Variants in EHD3 observed in about 807,000 individuals in gnomAD.
EHD3 encodes the protein EH domain containing 3.
A neutral mutation model predicts 43.0 loss-of-function variants in EHD3; 17 were observed. The observed-to-expected ratio is 0.40, with a 90% CI of 0.27 to 0.59. The LOEUF is 0.59. Ranked by LOEUF, EHD3 falls within the 20% of genes least tolerant of loss-of-function variation. The pLI, the probability that EHD3 is intolerant of heterozygous loss-of-function variation, is 0.49. For synonymous variants in EHD3, 313 were observed against 289.5 expected (o/e 1.08, Z -0.82); for missense variants, 594 against 705.6 (o/e 0.84, Z 1.79).
chr2:31,254,773 G>T (rs1015731215), intron 3 of EHD3, among the ~76,000 whole-genome samples: 4 of 152,148 alleles, frequency 2.6e-5, no homozygotes, highest in African/African-American at 4.8e-5. Context: ...TGGGTTCCAG[G>T]CCTGAGTTTG....
Position 31,268,628 on chromosome 2 carries a change from C to T in EHD3, c.*1924C>T, listed in dbSNP as rs1218727516. On this transcript the variant is annotated 3_prime_UTR_variant, in exon 6 of 6. Coordinates refer to ENST00000322054, the MANE Select transcript of EHD3 (RefSeq NM_014600.3). ...CTCTGGAGTGAAGATGTTCCCTAAG[C>T]CCCTGGGCTTCCTTCTGCAAATACA... 1 of 152,230 alleles carries T rather than the reference C, an allele frequency of 6.6e-6. No individual in the cohort carries two copies. The highest frequency in any genetic ancestry group is 1.9e-4 in the East Asian group (1 of 5,190). The allele number at this position is 152,230 out of a possible 1,614,324, so 9.4% of individuals were successfully genotyped here.
Position 31,243,456 on chromosome 2 carries a change from C to CTTTTTTTTT in EHD3, c.228-815_228-814insTTTTTTTTT, listed in dbSNP as rs1418621028. Among the ~76,000 whole-genome samples, 29 of 93,318 alleles carry CTTTTTTTTT rather than the reference C, an allele frequency of 3.1e-4. 1 individual carries two copies. Among genetic ancestry groups the CTTTTTTTTT allele is most frequent in the African/African-American group, 1.4e-3 (28 of 19,706 alleles). The allele number at this position is 93,318 out of a possible 152,430, so 61.2% of individuals were successfully genotyped here. On this transcript the variant is annotated intron_variant, in intron 1 of 5. Transcript: ENST00000322054. ...TCTTTCTTTCTTTCTTTCTTTCTTT[C>CTTTTTTTTT]TTTCTTTTTTTTTTTTTGAGACAGA...
Position 31,266,969 on chromosome 2 carries a change from C to G in EHD3, c.*265C>G, listed in dbSNP as rs1683966421. ...AGCCTAAGTCTCTATCGCTCTTCCC[C>G]TCTCCTCGGCCACTCCCCAGATACC... On this transcript the variant is annotated 3_prime_UTR_variant, in exon 6 of 6. Transcript: ENST00000322054. This position sits in a 1 kb window ranked among gnomAD's most constrained non-coding sequence, Gnocchi z 5.1. 1 of 451,164 alleles carries G rather than the reference C, an allele frequency of 2.2e-6. No homozygotes were observed. Among genetic ancestry groups the G allele is most frequent in the East Asian group, 3.6e-5 (1 of 27,642 alleles). 27.9% of individuals were successfully genotyped at this position (451,164 alleles called of 1,614,324 possible).
At chr2:31,259,204 G>C (rs1572471381) in intron 3 of EHD3, among the ~76,000 whole-genome samples, 1 of 152,174 alleles carries the variant, frequency 6.6e-6, no homozygotes, top group African/African-American at 2.4e-5. Context: ...TGCCACGGGG[G>C]AGTGGCAGGA....
intron 1 of EHD3, among the ~76,000 whole-genome samples, chr2:31,235,352 T>C (rs896474711): frequency 6.6e-6 from 1 of 152,298 alleles, no homozygotes; most frequent in South Asian, 2.1e-4. Context: ...GGCCTGGGGA[T>C]GCTACTTGTC....
chr2:31,241,952 G>A (rs1683432379), intron 1 of EHD3, among the ~76,000 whole-genome samples: 1 of 152,216 alleles, frequency 6.6e-6, no homozygotes, highest in African/African-American at 2.4e-5. Context: ...TTATTGAACT[G>A]GGATCTGGAG....
At chr2:31,240,438 G>A (rs1683401993) in intron 1 of EHD3, among the ~76,000 whole-genome samples, 1 of 152,168 alleles carries the variant, frequency 6.6e-6, no homozygotes, top group Non-Finnish European at 1.5e-5. Context: ...TGTTACAGGG[G>A]CACCTGCTGC....
At chr2:31,255,476 T>C (rs536033473) in intron 3 of EHD3, among the ~76,000 whole-genome samples, 2 of 145,384 alleles carry the variant, frequency 1.4e-5, no homozygotes, top group East Asian at 4.3e-4. Flanking sequence ...GTTATCCCTA[T>C]TTTGCAGCTG....
chr2:31,264,655 G>A (rs574984457), intron 5 of EHD3, among the ~76,000 whole-genome samples: 3 of 146,726 alleles, frequency 2.0e-5, no homozygotes, highest in South Asian at 2.3e-4. Context: ...TCAGCCTCCC[G>A]AGTAGCTGGG....
At chr2:31,261,840 A>T in intron 5 of EHD3, 127 bp downstream of exon 5, 1 of 1,054,582 alleles carries the variant, frequency 9.5e-7, no homozygotes, top group Admixed American at 3.0e-5. Context: ...GCAGGCAAGG[A>T]GGTGGCCCTG....
In EHD3 at chr2:31,244,313, G is replaced by A. The variant is rs997989974; in HGVS notation, c.267G>A (p.Gly89=). 3.1e-6 allele frequency: 5 copies of A among 1,614,212 alleles called. No homozygotes were observed. Among genetic ancestry groups the A allele is most frequent in the Non-Finnish European group, 4.2e-6 (5 of 1,180,038 alleles). Residue 89 remains glycine (G), a synonymous_variant, in exon 2 of 6, where the codon GGG becomes GGA. Coordinates refer to ENST00000322054, the MANE Select transcript of EHD3 (RefSeq NM_014600.3). ...AGGACTTCCCAGGCATGAGGATTGGGCCTGAGCCCACCACAGACTCCTTCA... is the reference window on the plus strand; with the variant it reads ...AGGACTTCCCAGGCATGAGGATTGGACCTGAGCCCACCACAGACTCCTTCA... ...LEQDFPGMRI[G]PEPTTDSFIA... is the part of the protein sequence containing the mutation.
At chr2:31,243,434 T>G (rs1683457585) in intron 1 of EHD3, among the ~76,000 whole-genome samples, 4 of 99,668 alleles carry the variant, frequency 4.0e-5, no homozygotes, top group Admixed American at 1.2e-4. Flanking sequence ...CTTTCTTTCT[T>G]TCTTTCTTTC....
intron 4 of EHD3, 105 bp from the exon 5 acceptor site, chr2:31,261,444 G>A: frequency 7.6e-7 from 1 of 1,310,080 alleles, no homozygotes; most frequent in East Asian, 2.3e-5. Context: ...GGAGCAGGAG[G>A]AGGCGGGAGG....
intron 3 of EHD3, among the ~76,000 whole-genome samples, chr2:31,257,916 T>G (rs1286886610): frequency 6.6e-6 from 1 of 152,100 alleles, no homozygotes; most frequent in African/African-American, 2.4e-5. Flanking sequence ...TCAGGAACTA[T>G]CCTCAGGATG....
chr2:31,266,956 T>C lies in EHD3; in HGVS notation c.*252T>C, dbSNP rs1390808232. On this transcript the variant is annotated 3_prime_UTR_variant, in exon 6 of 6. Transcript: ENST00000322054. The surrounding 1 kb of genome is among the most constrained non-coding windows in gnomAD (Gnocchi z 5.1). ...GCCCCAGAGTCTAAGCCTAAGTCTCTATCGCTCTTCCCCTCTCCTCGGCCA... is the reference window on the plus strand; with the variant it reads ...GCCCCAGAGTCTAAGCCTAAGTCTCCATCGCTCTTCCCCTCTCCTCGGCCA... 10 of 494,276 alleles carry C rather than the reference T, an allele frequency of 2.0e-5. No individual in the cohort carries two copies. Among genetic ancestry groups the C allele is most frequent in the South Asian group, 7.0e-5 (2 of 28,626 alleles). 30.6% of individuals were successfully genotyped at this position (494,276 alleles called of 1,614,324 possible). A position where few individuals can be genotyped will look rare whatever the true frequency, so the allele number is the denominator to read the frequency against.
chr2:31,256,762 C>T (rs942024909), intron 3 of EHD3, among the ~76,000 whole-genome samples: 1 of 152,256 alleles, frequency 6.6e-6, no homozygotes, highest in Admixed American at 6.5e-5. Context: ...GACAGAGCCT[C>T]TTCCCTTCTC....
rs1171207519 is a variant in EHD3, at chr2:31,267,776, A to C, written c.*1072A>C. 1 of 152,266 alleles carries C rather than the reference A, an allele frequency of 6.6e-6. No individual in the cohort carries two copies. The highest frequency in any genetic ancestry group is 1.5e-5 in the Non-Finnish European group (1 of 68,054). 9.4% of individuals were successfully genotyped at this position (152,266 alleles called of 1,614,324 possible). A position where few individuals can be genotyped will look rare whatever the true frequency, so the allele number is the denominator to read the frequency against. ...ACCCAATGACAAACTATGGAGAACA[A>C]GCAAAGTATGCAGGCCCCCTGCAGC... On this transcript the variant is annotated 3_prime_UTR_variant, in exon 6 of 6. Transcript: ENST00000322054.
chr2:31,242,300 A>G (rs886195394), intron 1 of EHD3, among the ~76,000 whole-genome samples: 2 of 152,178 alleles, frequency 1.3e-5, no homozygotes, highest in Non-Finnish European at 2.9e-5. Context: ...CATGGTTACA[A>G]AGCATGCACA....
At chr2:31,253,881 C>G (rs1457617134) in intron 3 of EHD3, among the ~76,000 whole-genome samples, 1 of 152,118 alleles carries the variant, frequency 6.6e-6, no homozygotes, top group East Asian at 1.9e-4. Context: ...TGTGCCCCAG[C>G]CTGGCTCATT....
Sources: gnomAD v4.1 joint callset for allele counts (sites outside exome capture counted in the v4.1 genomes callset) on GRCh38, gnomAD v4.1.1 for gene constraint, Gnocchi (gnomAD v3.1) non-coding constraint, MANE v1.5 for transcripts, NCBI Gene and HGNC (gene_info 2026-07-23, HGNC 2026-07-21) for gene names.